HEATR4: variants seen among roughly 807,000 people sequenced by gnomAD.
HEATR4 encodes HEAT repeat-containing protein 4.
A neutral mutation model predicts 108.8 loss-of-function variants in HEATR4; 95 were observed. The ratio of observed to expected loss-of-function variants is 0.87; its 90% confidence interval spans 0.74 to 1.04. The LOEUF is 1.04. Among genes scored for constraint, HEATR4 ranks in the 50% least tolerant of loss-of-function variants. HEATR4 has a pLI of 0.00. For synonymous variants in HEATR4, 443 were observed against 459.4 expected (o/e 0.96, Z 0.46); for missense variants, 1,152 against 1,253.8 (o/e 0.92, Z 1.23).
chr14:73,502,173 C>T (rs1886513816), intron 11 of HEATR4, among the ~76,000 whole-genome samples: 1 of 151,706 alleles, frequency 6.6e-6, no homozygotes, highest in Non-Finnish European at 1.5e-5. Context: ...GGATTACAGG[C>T]GTGTGCCACT....
chr14:73,569,394 C>A, the HEATR4 span: 2 of 1,613,988 alleles, frequency 1.2e-6, no homozygotes, highest in Non-Finnish European at 1.7e-6. Context: ...ACAGCTGAGG[C>A]AGGTTGGTCA....
the HEATR4 span, chr14:73,581,747 T>TG: frequency 0.014 from 1,642 of 116,914 alleles, 42 homozygotes; most frequent in African/African-American, 0.052. Context: ...GATCTGAACC[T>TG]GGGGCTTCAG....
the HEATR4 span, among the ~76,000 whole-genome samples, chr14:73,572,644 T>C: frequency 0.071 from 2,366 of 33,458 alleles, 75 homozygotes; most frequent in African/African-American, 0.38. Context: ...TTTGCATTTT[T>C]TTTTTTTTTT....
At chr14:73,524,501 C>T (rs1888210077) in intron 2 of HEATR4, among the ~76,000 whole-genome samples, 1 of 150,114 alleles carries the variant, frequency 6.7e-6, no homozygotes, top group South Asian at 2.1e-4. Context: ...TGAAGCATTC[C>T]CTTGGCCTAA....
intron 9 of HEATR4, among the ~76,000 whole-genome samples, 159 bp downstream of exon 9, chr14:73,507,975 A>G (rs553443416): frequency 6.6e-6 from 1 of 152,122 alleles, no homozygotes; most frequent in South Asian, 2.1e-4. Context: ...CGAACTCCTG[A>G]CCTCAAGTGA....
At chr14:73,631,823 T>A in the HEATR4 span, 1 of 155,640 alleles carries the variant, frequency 6.4e-6, no homozygotes, top group African/African-American at 2.4e-5. Flanking sequence ...CATGTAGCTA[T>A]GTCCCCCACA....
chr14:73,590,008 G>A, the HEATR4 span, among the ~76,000 whole-genome samples: 8 of 152,174 alleles, frequency 5.3e-5, no homozygotes, highest in Admixed American at 2.0e-4. Context: ...GAGTGTTACA[G>A]CTCACAACAG....
At chr14:73,570,921 A>AT in the HEATR4 span, among the ~76,000 whole-genome samples, 1 of 137,666 alleles carries the variant, frequency 7.3e-6, no homozygotes, top group African/African-American at 2.7e-5. Context: ...AAAAAAAAAA[A>AT]TTCAGGTAGT....
intron 17 of HEATR4, chr14:73,491,002 C>A: frequency 7.2e-7 from 1 of 1,386,026 alleles, no homozygotes; most frequent in South Asian, 1.8e-5. Flanking sequence ...GCGGGGAAGA[C>A]TGGTGTGGTC....
chr14:73,517,925 A>G (rs1887723244), intron 5 of HEATR4, among the ~76,000 whole-genome samples: 1 of 151,894 alleles, frequency 6.6e-6, no homozygotes, highest in African/African-American at 2.4e-5. Flanking sequence ...GTCTCTACTA[A>G]AAATACAAAA....
chr14:73,606,031 G>C, the HEATR4 span, among the ~76,000 whole-genome samples: 1 of 152,098 alleles, frequency 6.6e-6, no homozygotes, highest in Non-Finnish European at 1.5e-5. Context: ...CAGTGCAAAA[G>C]AACAGCTTCA....
Position 73,478,796 on chromosome 14 carries a change from G to A in HEATR4, c.2891C>T (p.Pro964Leu), listed in dbSNP as rs1885116614. 1.2e-6 allele frequency: 2 copies of A among 1,611,656 alleles called. No individual in the cohort carries two copies. The highest frequency in any genetic ancestry group is 1.7e-6 in the Non-Finnish European group (2 of 1,179,016). Residue 964 changes from proline (P) to leucine (L), a missense_variant, in exon 18 of 18, where the codon CCA (proline) becomes CTA (leucine). Transcript: ENST00000553558. Reference sequence around the variant, plus strand: ...AACTTTGCTTCGTGTGGTTAGGCCTGGGACTGAACTTTGTAACCAGGGATT... The same window carrying A: ...AACTTTGCTTCGTGTGGTTAGGCCTAGGACTGAACTTTGTAACCAGGGATT... ...APNPWLQSSV[P>L]GLTTRSKVRS...
At chr14:73,592,337 G>A in the HEATR4 span, 797 of 1,603,656 alleles carry the variant, frequency 5.0e-4, 3 homozygotes, top group Middle Eastern at 7.9e-3. Context: ...CGCAGCACGA[G>A]CGCCACTTCC....
chr14:73,576,863 CTTG>C, the HEATR4 span, among the ~76,000 whole-genome samples: 1 of 117,918 alleles, frequency 8.5e-6, no homozygotes, highest in Non-Finnish European at 1.8e-5. Flanking sequence ...CCACAATAAA[CTTG>C]TTTTTTTTTT....
At chr14:73,613,726 A>G in the HEATR4 span, among the ~76,000 whole-genome samples, 1 of 152,208 alleles carries the variant, frequency 6.6e-6, no homozygotes, top group East Asian at 1.9e-4. Context: ...TCCACAATGC[A>G]CAGGACAACC....
the HEATR4 span, among the ~76,000 whole-genome samples, chr14:73,571,945 T>C: frequency 1.3e-5 from 2 of 151,508 alleles, no homozygotes; most frequent in Non-Finnish European, 2.9e-5. Flanking sequence ...TTATTAATAA[T>C]CAAAGAAATG....
At chr14:73,481,659 G>A (rs567684743) in intron 17 of HEATR4, among the ~76,000 whole-genome samples, 60 of 151,664 alleles carry the variant, frequency 4.0e-4, no homozygotes, top group Admixed American at 6.6e-4. Flanking sequence ...GGCTAACAAG[G>A]TGAAACCCCG....
intron 10 of HEATR4, among the ~76,000 whole-genome samples, chr14:73,505,865 C>T (rs920802845): frequency 1.4e-5 from 2 of 147,996 alleles, no homozygotes; most frequent in African/African-American, 5.0e-5. Context: ...GATATTGAGG[C>T]AATATCAAAT....
chr14:73,539,300 C>T (rs116488414), intron 1 of HEATR4: 5,623 of 116,730 alleles, frequency 0.048, 1,446 homozygotes, highest in African/African-American at 0.15. Flanking sequence ...CCTCCCTGTG[C>T]ATGGCAGGAC....
Sources: allele counts gnomAD v4.1 joint callset (sites outside exome capture counted in the v4.1 genomes callset), GRCh38; gene constraint gnomAD v4.1.1; transcripts MANE v1.5; gene names NCBI Gene and HGNC (gene_info 2026-07-23, HGNC 2026-07-21).